The following CTSH variants were observed in gnomAD, a reference collection of about 807,000 sequenced individuals.
The protein encoded by CTSH is cathepsin H.
In CTSH, 52 loss-of-function variants were observed where a neutral mutation model predicts 56.3. The ratio of observed to expected loss-of-function variants is 0.92; its 90% confidence interval spans 0.74 to 1.16. The LOEUF (loss-of-function observed/expected upper bound fraction) is 1.16, where lower values mean the gene tolerates loss of function less well. Among genes scored for constraint, CTSH ranks in the 50% most tolerant of loss-of-function variants. CTSH has a pLI of 0.00. For synonymous variants in CTSH, 174 were observed against 155.7 expected (o/e 1.12, Z -0.88); for missense variants, 406 against 424.5 (o/e 0.96, Z 0.38).
chr15:78,934,202 G>A (rs1178101341), intron 5 of CTSH, among the ~76,000 whole-genome samples: 1 of 152,218 alleles, frequency 6.6e-6, no homozygotes, highest in Non-Finnish European at 1.5e-5. Flanking sequence ...CTTTAAAGCT[G>A]TGCTGCATGG....
chr15:78,925,191 A>C, intron 10 of CTSH, 143 bp downstream of exon 10: 1 of 595,180 alleles, frequency 1.7e-6, no homozygotes, highest in Non-Finnish European at 3.1e-6. Flanking sequence ...GGGATGTGCA[A>C]AACGCCCAGC....
intron 6 of CTSH, chr15:78,932,031 A>T (rs1289639803): frequency 2.5e-6 from 3 of 1,196,586 alleles, no homozygotes; most frequent in Non-Finnish European, 3.1e-6. Context: ...TCATGAAGAC[A>T]ACTGAGGCTG....
At chr15:78,929,349 G>C (rs966720235) in intron 8 of CTSH, 63 bp downstream of exon 8, 2 of 1,260,044 alleles carry the variant, frequency 1.6e-6, no homozygotes, top group Non-Finnish European at 2.3e-6. Flanking sequence ...TCCAAGGCTG[G>C]GGAGGGAGTG....
At chr15:78,942,064 G>A (rs901885969) in intron 1 of CTSH, among the ~76,000 whole-genome samples, 4 of 152,120 alleles carry the variant, frequency 2.6e-5, no homozygotes, top group Non-Finnish European at 5.9e-5. Context: ...TTTCTTATAG[G>A]TCAAAGGGCT....
rs1235893094 is a variant in CTSH, at chr15:78,942,339, A to G, written c.91+2552T>C. ...CAAGCAATTCTATCTCAGCCTCCCA[A>G]GTAGCTGGGATTACAGGTGCCCACC... is the stretch of plus-strand genomic sequence containing the variant. On this transcript the variant is annotated intron_variant, in intron 1 of 11. Transcript: ENST00000220166. 3.3e-5 allele frequency among the ~76,000 whole-genome samples: 5 copies of G among 151,932 alleles called. No individual in the cohort carries two copies. In the East Asian group the frequency reaches 7.7e-4, roughly 24 times the overall value.
intron 11 of CTSH, among the ~76,000 whole-genome samples, chr15:78,922,779 G>T (rs751312918): frequency 1.5e-4 from 23 of 152,198 alleles, no homozygotes; most frequent in African/African-American, 5.6e-4. Flanking sequence ...TCCCTGCAGC[G>T]TCCTAAAGAC....
In CTSH at chr15:78,932,476, G is replaced by A. The variant is rs758561179; in HGVS notation, c.406-18C>T. ...CAGGCACCCTGGAAAGGCCAGGGGA[G>A]AGCAGAGGACATCAGTGATGGGGAC... On this transcript the variant is annotated intron_variant, in intron 5 of 11. Coordinates refer to ENST00000220166, the MANE Select transcript of CTSH (RefSeq NM_004390.5). 2.5e-6 allele frequency: 4 copies of A among 1,600,494 alleles called. No individual in the cohort carries two copies. The South Asian group carries it at 3.3e-5, about 13-fold the overall frequency.
At chr15:78,936,438 G>T (rs2055179023) in intron 3 of CTSH, among the ~76,000 whole-genome samples, 1 of 151,538 alleles carries the variant, frequency 6.6e-6, no homozygotes, top group South Asian at 2.1e-4. Flanking sequence ...TATAGGTGTG[G>T]GCCACCACAC....
At chr15:78,925,583 C>T in intron 9 of CTSH, 143 bp from the exon 10 acceptor site, 1 of 600,058 alleles carries the variant, frequency 1.7e-6, no homozygotes, top group South Asian at 1.8e-5. Flanking sequence ...GCCTCTCTCC[C>T]TTCCTGTCTC....
chr15:78,922,902 A>G, intron 11 of CTSH, 91 bp downstream of exon 11: 1 of 1,469,452 alleles, frequency 6.8e-7, no homozygotes, highest in Non-Finnish European at 9.1e-7. Context: ...CGTCTGTGGA[A>G]GCCGTAACTC....
intron 2 of CTSH, chr15:78,937,669 G>A (rs2141549521): frequency 7.2e-7 from 1 of 1,390,026 alleles, no homozygotes; most frequent in Admixed American, 2.2e-5. Flanking sequence ...TGGTCCAAGA[G>A]GCACTGGTGA....
chr15:78,925,287 C>G (rs1416821542), intron 10 of CTSH, 47 bp downstream of exon 10: 2 of 1,268,590 alleles, frequency 1.6e-6, no homozygotes, highest in Non-Finnish European at 2.3e-6. Context: ...GGAGGCCCAC[C>G]AAGCCCCTCC....
chr15:78,935,608 G>C, intron 4 of CTSH, 72 bp downstream of exon 4: 1 of 1,340,144 alleles, frequency 7.5e-7, no homozygotes, highest in Non-Finnish European at 1.1e-6. Context: ...CCTAGAAGCA[G>C]AGCAGGCTCC....
Position 78,944,982 on chromosome 15 carries a change from C to T in CTSH, c.-1G>A. On this transcript the variant is annotated 5_prime_UTR_variant, in exon 1 of 12. Transcript: ENST00000220166. ...AGAGCAGCGGCAGCGTGGCCCACAT[C>T]GCAGCGCTGGCGGCTTGGCTCTTGC... The T allele has an allele frequency of 7.1e-6, 11 of 1,539,386 alleles. No homozygotes were observed. The highest frequency in any genetic ancestry group is 8.7e-6 in the Non-Finnish European group (10 of 1,143,752).
intron 8 of CTSH, 54 bp from the exon 9 acceptor site, chr15:78,927,835 C>G (rs1219731993): frequency 6.9e-7 from 1 of 1,449,976 alleles, no homozygotes; most frequent in African/African-American, 1.4e-5. Context: ...AAGTCTCAGC[C>G]TCCCCACGCA....
rs546822356 is a variant in CTSH at position 78,925,384 on chromosome 15, G to A, written c.756C>T (p.Ala252=). ...TCATGAAGTCCTGAGTCACCTCAAA[G>A]GCAAAGCTCACAGGGTTGTAGAGGG... ...AVALYNPVSF[A]FEVTQDFMMY... is the part of the protein sequence containing the mutation. Residue 252 remains alanine (A), a synonymous_variant, in exon 10 of 12, where the codon GCC becomes GCT. Coordinates refer to ENST00000220166, the MANE Select transcript of CTSH (RefSeq NM_004390.5). The A allele has an allele frequency of 6.2e-7, 1 of 1,613,976 alleles. No individual in the cohort carries two copies. Among genetic ancestry groups the A allele is most frequent in the Non-Finnish European group, 8.5e-7 (1 of 1,179,874 alleles).
chr15:78,941,797 A>AG (rs2055300692), intron 1 of CTSH, among the ~76,000 whole-genome samples: 1 of 149,554 alleles, frequency 6.7e-6, no homozygotes, highest in Non-Finnish European at 1.5e-5. Flanking sequence ...CTCCGTCTCA[A>AG]AAAAAAAAAA....
chr15:78,932,683 G>C (rs74847893), intron 5 of CTSH, among the ~76,000 whole-genome samples: 2,226 of 150,604 alleles, frequency 0.015, 89 homozygotes, highest in East Asian at 0.14. Context: ...CATTCATTCT[G>C]AGCCTCGCAA....
In CTSH at chr15:78,945,007, C is replaced by A. The variant is rs535918238; in HGVS notation, c.-26G>T. On this transcript the variant is annotated 5_prime_UTR_variant, in exon 1 of 12. Coordinates refer to ENST00000220166, the MANE Select transcript of CTSH (RefSeq NM_004390.5). ...CGCAGCGCTGGCGGCTTGGCTCTTG[C>A]GCTCAGGGTCCGCGGAGGTGGCGGC... 2 of 1,511,744 alleles carry A rather than the reference C, an allele frequency of 1.3e-6. No homozygotes were observed. Among genetic ancestry groups the A allele is most frequent in the Non-Finnish European group, 1.8e-6 (2 of 1,131,066 alleles). 93.6% of individuals were successfully genotyped at this position (1,511,744 alleles called of 1,614,324 possible).
Sources: allele counts gnomAD v4.1 joint callset (sites outside exome capture counted in the v4.1 genomes callset), GRCh38; gene constraint gnomAD v4.1.1; transcripts MANE v1.5; gene names NCBI Gene and HGNC (gene_info 2026-07-23, HGNC 2026-07-21).